PRMT7: variants seen among roughly 807,000 people sequenced by gnomAD.
PRMT7 encodes protein arginine N-methyltransferase 7.
In PRMT7, 75 loss-of-function variants were observed where a neutral mutation model predicts 85.4. That is an observed-to-expected ratio of 0.88 (90% CI 0.73 to 1.06). The LOEUF (loss-of-function observed/expected upper bound fraction) is 1.06. Ranked by LOEUF, PRMT7 falls within the 50% of genes least tolerant of loss-of-function variation. The pLI, the probability that PRMT7 is intolerant of heterozygous loss-of-function variation, is 0.00. For missense variants in PRMT7, 868 were observed against 915.2 expected, an observed-to-expected ratio of 0.95 and a Z score of 0.67; for synonymous variants, 397 against 359.5, an observed-to-expected ratio of 1.10 and a Z score of -1.18.
chr16:68,345,715 A>G lies in PRMT7; in HGVS notation c.968A>G (p.Gln323Arg), dbSNP rs1567715466. The change falls in exon 10 of 19, where the codon CAA (glutamine) becomes CGA (arginine). Residue 323 changes from glutamine to arginine, a missense_variant. Physicochemically the swap from Gln to Arg is conservative, Grantham distance 43. Transcript: ENST00000441236. ...HWMQCVYFLPQEEPVVQGSAL... is the reference protein window; with the variant it reads ...HWMQCVYFLPREEPVVQGSAL... ...ATGCAGTGTGTGTACTTCCTGCCAC[A>G]AGAGGAGCCTGTGGTGCAGGGCTCA... The G allele has an allele frequency of 6.2e-7, 1 of 1,613,972 alleles. No individual in the cohort carries two copies. The highest frequency in any genetic ancestry group is 8.5e-7 in the Non-Finnish European group (1 of 1,180,020).
At position 68,311,080 on chromosome 16, in the gene PRMT7, C is replaced by A. The variant is rs753417127; in HGVS notation, c.-238C>A. The A allele has an allele frequency of 1.3e-6, 1 of 759,168 alleles. No individual in the cohort carries two copies. Among genetic ancestry groups the A allele is most frequent in the Admixed American group, 2.0e-5 (1 of 49,432 alleles). 47.0% of individuals were successfully genotyped at this position (759,168 alleles called of 1,614,324 possible). On this transcript the variant is annotated 5_prime_UTR_variant, in exon 1 of 19. Transcript: ENST00000441236. Reference sequence around the variant, plus strand: ...TAAAAGTGGTAGCAGCGGAGGCGAGCGGAGGGTTTCCCGCGGCGGGTGAGG... The same window carrying A: ...TAAAAGTGGTAGCAGCGGAGGCGAGAGGAGGGTTTCCCGCGGCGGGTGAGG...
intron 14 of PRMT7, 96 bp from the exon 15 acceptor site, chr16:68,352,143 GGAGTGACTT>G: frequency 2.4e-6 from 3 of 1,224,494 alleles, no homozygotes; most frequent in Non-Finnish European, 3.4e-6. Flanking sequence ...AGGGAGTGAG[GGAGTGACTT>G]GAGTGACTGA....
intron 2 of PRMT7, 180 bp from the exon 3 acceptor site, chr16:68,315,717 C>G: frequency 2.3e-6 from 1 of 440,212 alleles, no homozygotes; most frequent in Non-Finnish European, 4.2e-6. Flanking sequence ...CTGCTGGAAA[C>G]ATTTACAATA....
chr16:68,347,508 T>C, intron 12 of PRMT7, 123 bp from the exon 13 acceptor site: 1 of 1,148,756 alleles, frequency 8.7e-7, no homozygotes, highest in Non-Finnish European at 1.3e-6. Flanking sequence ...AGGGAGGGAA[T>C]GAGGGCAGGG....
At chr16:68,317,635 C>T (rs1427765469) in intron 3 of PRMT7, among the ~76,000 whole-genome samples, 1 of 152,168 alleles carries the variant, frequency 6.6e-6, no homozygotes, top group Non-Finnish European at 1.5e-5. Flanking sequence ...CGAGACCAGC[C>T]TGACCAACAT....
rs1006273276 is a variant in PRMT7 at position 68,352,854 on chromosome 16, G to A, written c.1575+445G>A. Among the ~76,000 whole-genome samples the A allele has an allele frequency of 3.3e-5, 5 of 152,278 alleles. No individual in the cohort carries two copies. In the South Asian group the frequency reaches 8.3e-4, roughly 25 times the overall value. ...TAGTCACAAAGTCATTTTGGGAAGG[G>A]CATTTTTATTAAAAGGATTTGAAAA... On this transcript the variant is annotated intron_variant, in intron 15 of 18. Transcript: ENST00000441236.
chr16:68,352,120 G>A (rs181761124), intron 14 of PRMT7, 128 bp from the exon 15 acceptor site: 78 of 938,320 alleles, frequency 8.3e-5, no homozygotes, highest in Admixed American at 2.1e-4. Context: ...GACTGAGTGA[G>A]GGAGGGAGAG....
At chr16:68,352,696 G>T in intron 15 of PRMT7, 1 of 275,532 alleles carries the variant, frequency 3.6e-6, no homozygotes, top group Non-Finnish European at 6.8e-6. Flanking sequence ...AAGCCATGCC[G>T]TGTGGCCTGC....
intron 14 of PRMT7, among the ~76,000 whole-genome samples, chr16:68,349,221 A>G (rs1030616750): frequency 6.6e-6 from 1 of 151,120 alleles, no homozygotes; most frequent in African/African-American, 2.4e-5. Flanking sequence ...CTTTCCCCTC[A>G]CCTTCCTGGC....
At chr16:68,321,282 T>G in intron 3 of PRMT7, 144 bp from the exon 4 acceptor site, 1 of 576,384 alleles carries the variant, frequency 1.7e-6, no homozygotes, top group South Asian at 3.2e-5. Context: ...AAAAAAAAAA[T>G]AAATAAAGAT....
intron 11 of PRMT7, among the ~76,000 whole-genome samples, chr16:68,346,583 C>CCTT (rs2086424749): frequency 6.6e-6 from 1 of 151,304 alleles, no homozygotes; most frequent in African/African-American, 2.4e-5. Context: ...GCCACCCCCT[C>CCTT]TTTTCATGTG....
rs61742685 is a variant in PRMT7 at position 68,352,328 on chromosome 16, C to T, written c.1494C>T (p.Thr498=). ...WHNLYFWYVR[T]AVDQHLGPGA... Reference sequence around the variant, plus strand: ...ACCTCTACTTCTGGTACGTGCGGACCGCTGTGGACCAGCACCTGGGGCCAG... The same window carrying T: ...ACCTCTACTTCTGGTACGTGCGGACTGCTGTGGACCAGCACCTGGGGCCAG... The change falls in exon 15 of 19, where the codon ACC becomes ACT. Residue 498 remains threonine (T), a synonymous_variant. Coordinates refer to ENST00000441236, the MANE Select transcript of PRMT7 (RefSeq NM_019023.5). 198 of 1,612,750 alleles carry T rather than the reference C, an allele frequency of 1.2e-4. No homozygotes were observed. The highest frequency in any genetic ancestry group is 1.6e-4 in the Non-Finnish European group (186 of 1,180,020).
chr16:68,321,329 C>A, intron 3 of PRMT7, 97 bp from the exon 4 acceptor site: 2 of 916,184 alleles, frequency 2.2e-6, no homozygotes, highest in Admixed American at 2.6e-5. Flanking sequence ...ATAGATGACA[C>A]GTTTGTTCTA....
At position 68,345,788 on chromosome 16, in the gene PRMT7, C is replaced by A. The variant is rs1330643490; in HGVS notation, c.1041C>A (p.Ser347Arg). The change falls in exon 10 of 19, where the codon AGC becomes AGA. Residue 347 changes from serine (S) to arginine (R), a missense_variant. Transcript: ENST00000441236. ...AHHDDYCVWYSLQRTSPEKNE... is the reference protein window; with the variant it reads ...AHHDDYCVWYRLQRTSPEKNE... Reference sequence around the variant, plus strand: ...ACGATGACTACTGCGTATGGTACAGCCTGCAGAGGACCAGGTACGTCGAGC... The same window carrying A: ...ACGATGACTACTGCGTATGGTACAGACTGCAGAGGACCAGGTACGTCGAGC... The A allele has an allele frequency of 5.0e-6, 8 of 1,614,094 alleles. No individual in the cohort carries two copies. The East Asian group carries it at 1.8e-4, about 36-fold the overall frequency.
intron 5 of PRMT7, 113 bp downstream of exon 5, chr16:68,324,945 C>A: frequency 1.4e-6 from 2 of 1,381,214 alleles, no homozygotes; most frequent in Non-Finnish European, 2.0e-6. Flanking sequence ...TCACTCTGTG[C>A]CAAGCACAGA....
chr16:68,347,319 C>G, intron 12 of PRMT7, 25 bp downstream of exon 12: 4 of 1,515,800 alleles, frequency 2.6e-6, no homozygotes, highest in Non-Finnish European at 3.6e-6. Flanking sequence ...CCTTGTCAGC[C>G]TCCTGATGTG....
intron 16 of PRMT7, 104 bp from the exon 17 acceptor site, chr16:68,355,619 C>G (rs996003659): frequency 1.6e-6 from 2 of 1,226,222 alleles, no homozygotes; most frequent in South Asian, 2.0e-5. Context: ...TGGGAGAACG[C>G]ACACCCCTTG....
chr16:68,341,040 G>A (rs2085448700), intron 9 of PRMT7, among the ~76,000 whole-genome samples: 1 of 152,358 alleles, frequency 6.6e-6, no homozygotes, highest in African/African-American at 2.4e-5. Context: ...ATATAAGGAG[G>A]TCTTTGGAAG....
chr16:68,345,937 C>T (rs2086289186), intron 10 of PRMT7, 135 bp downstream of exon 10: 2 of 1,410,874 alleles, frequency 1.4e-6, no homozygotes, highest in East Asian at 4.7e-5. Context: ...AGATTTGTGA[C>T]CAGTGTGTCA....
Sources: gnomAD v4.1 joint callset for allele counts (sites outside exome capture counted in the v4.1 genomes callset) on GRCh38, gnomAD v4.1.1 for gene constraint, MANE v1.5 for transcripts, NCBI Gene and HGNC (gene_info 2026-07-23, HGNC 2026-07-21) for gene names.